The following GABRA5 variants were observed in gnomAD, a reference collection of about 807,000 sequenced individuals.
GABRA5 encodes gamma-aminobutyric acid type A receptor subunit alpha5.
Under a neutral mutation model 47.3 loss-of-function variants are expected in GABRA5, and 18 were observed. The ratio of observed to expected loss-of-function variants is 0.38; its 90% CI spans 0.26 to 0.56. The LOEUF (loss-of-function observed/expected upper bound fraction) is 0.56, where lower values mean the gene tolerates loss of function less well. GABRA5 is among the 20% of genes least tolerant of loss of function. GABRA5 has a pLI of 0.71. For synonymous variants in GABRA5, 237 were observed against 229.3 expected (o/e 1.03, Z -0.30); for missense variants, 365 against 599.3 (o/e 0.61, Z 4.08).
chr15:26,876,713 G>A (rs907621102), intron 3 of GABRA5, among the ~76,000 whole-genome samples: 7 of 152,286 alleles, frequency 4.6e-5, no homozygotes, highest in Non-Finnish European at 8.8e-5. Context: ...CATGGAAGAC[G>A]GGCAAAGAAT....
At chr15:26,893,194 TA>T (rs1893060558) in intron 6 of GABRA5, among the ~76,000 whole-genome samples, 1 of 98,898 alleles carries the variant, frequency 1.0e-5, no homozygotes, top group African/African-American at 3.6e-5. Flanking sequence ...TGTGTGTGTG[TA>T]TAGTGTGTTG....
At chr15:26,916,555 G>A (rs1346541392) in intron 7 of GABRA5, among the ~76,000 whole-genome samples, 1 of 151,898 alleles carries the variant, frequency 6.6e-6, no homozygotes, top group African/African-American at 2.4e-5. Flanking sequence ...GGATATTTGG[G>A]TTTTTTTGTT....
chr15:26,936,476 T>C (rs1446910644), intron 7 of GABRA5, among the ~76,000 whole-genome samples: 1 of 152,228 alleles, frequency 6.6e-6, no homozygotes, highest in Non-Finnish European at 1.5e-5. Flanking sequence ...AGGGAAGTTC[T>C]CTGTTTTTAA....
chr15:26,936,058 G>A (rs989779602), intron 7 of GABRA5, among the ~76,000 whole-genome samples: 8 of 152,164 alleles, frequency 5.3e-5, no homozygotes, highest in African/African-American at 1.7e-4. Flanking sequence ...GTGATAGTGA[G>A]TGAGTCTCAC....
intron 6 of GABRA5, among the ~76,000 whole-genome samples, chr15:26,903,468 A>G (rs373714532): frequency 3.9e-4 from 60 of 152,188 alleles, no homozygotes; most frequent in African/African-American, 1.2e-3. Context: ...CTGAGTATAT[A>G]CTCAGTAACA....
intron 9 of GABRA5, 50 bp downstream of exon 9, chr15:26,940,127 T>A: frequency 4.6e-6 from 7 of 1,534,878 alleles, no homozygotes; most frequent in Non-Finnish European, 3.6e-6. Context: ...TGACTGACCC[T>A]AACCACCCGG....
rs770617455 is a variant in GABRA5, at chr15:26,883,145, G to C, written c.209-21G>C. On this transcript the variant is annotated intron_variant, in intron 4 of 10. Transcript: ENST00000335625. This position sits in a 1 kb window ranked among gnomAD's most constrained non-coding sequence, Gnocchi z 4.8. ...CGCAGGGTGGGTCGGTGCAGCCCAG[G>C]GACCTGTGTCTGTCTTTCAGAGCGC... 11 of 1,609,744 alleles carry C rather than the reference G, an allele frequency of 6.8e-6. No homozygotes were observed. In the Middle Eastern group the frequency reaches 4.9e-4, roughly 72 times the overall value.
intron 6 of GABRA5, among the ~76,000 whole-genome samples, chr15:26,911,148 G>A (rs1893573890): frequency 1.5e-5 from 2 of 132,758 alleles, no homozygotes; most frequent in Non-Finnish European, 3.2e-5. Flanking sequence ...TATCATAGAT[G>A]AAGTATACTT....
chr15:26,927,071 C>T (rs1402335596), intron 7 of GABRA5, among the ~76,000 whole-genome samples: 1 of 151,824 alleles, frequency 6.6e-6, no homozygotes, highest in Non-Finnish European at 1.5e-5. Flanking sequence ...GAATTTTGAA[C>T]TCTTATGTCA....
chr15:26,923,061 T>C (rs1455961086), intron 7 of GABRA5, among the ~76,000 whole-genome samples: 1 of 152,232 alleles, frequency 6.6e-6, no homozygotes, highest in African/African-American at 2.4e-5. Flanking sequence ...GTCTTAAATA[T>C]TTCCTCTACA....
At chr15:26,939,127 C>G in intron 8 of GABRA5, 1 of 708,116 alleles carries the variant, frequency 1.4e-6, no homozygotes, top group Non-Finnish European at 2.6e-6. Flanking sequence ...TCCTCCACCC[C>G]TCAAAGAACA....
intron 7 of GABRA5, among the ~76,000 whole-genome samples, chr15:26,924,124 A>G (rs1002950457): frequency 1.4e-5 from 2 of 145,184 alleles, no homozygotes; most frequent in East Asian, 4.0e-4. Context: ...ATTTTCTATC[A>G]TAACCTGGAT....
rs186465264 is a variant in GABRA5 at position 26,911,922 on chromosome 15, C to T, written c.498-2881C>T. ...ATCTCCATATCCACCCTGACGATGG[C>T]ATAGACTGTGTGGGGTTATAGTGTT... On this transcript the variant is annotated intron_variant, in intron 6 of 10. Coordinates refer to ENST00000335625, the MANE Select transcript of GABRA5 (RefSeq NM_000810.4). Among the ~76,000 whole-genome samples, 39 of 152,288 alleles carry T rather than the reference C, an allele frequency of 2.6e-4. No individual in the cohort carries two copies. The East Asian group carries it at 4.3e-3, about 17-fold the overall frequency.
At chr15:26,936,880 C>G (rs530002368) in intron 7 of GABRA5, among the ~76,000 whole-genome samples, 3 of 152,140 alleles carry the variant, frequency 2.0e-5, no homozygotes, top group Non-Finnish European at 2.9e-5. Flanking sequence ...CTGGAGGGAC[C>G]CAGGCACTCT....
At chr15:26,944,087 G>A (rs1436536634) in intron 10 of GABRA5, among the ~76,000 whole-genome samples, 1 of 152,226 alleles carries the variant, frequency 6.6e-6, no homozygotes, top group East Asian at 1.9e-4. Context: ...ACAAATCTCT[G>A]TATGGAGAGA....
At chr15:26,898,059 C>T (rs1294824274) in intron 6 of GABRA5, among the ~76,000 whole-genome samples, 2 of 152,102 alleles carry the variant, frequency 1.3e-5, no homozygotes, top group African/African-American at 2.4e-5. Flanking sequence ...TAATGATAGA[C>T]TGACATAAAA....
chr15:26,907,801 C>T (rs1005742983), intron 6 of GABRA5, among the ~76,000 whole-genome samples: 1 of 152,154 alleles, frequency 6.6e-6, no homozygotes, highest in Non-Finnish European at 1.5e-5. Context: ...TACATTTTTC[C>T]TTGAAATATT....
At chr15:26,936,629 G>T (rs1414318677) in intron 7 of GABRA5, among the ~76,000 whole-genome samples, 1 of 152,166 alleles carries the variant, frequency 6.6e-6, no homozygotes, top group Non-Finnish European at 1.5e-5. Flanking sequence ...AGGGGTGCAG[G>T]TCCTGCTTGC....
chr15:26,883,614 G>A lies in GABRA5; in HGVS notation c.497+57G>A, dbSNP rs947692047. The stretch of plus-strand genomic sequence containing the variant: ...GGGACGGTGCGGGGCAGGCGCGGCT[G>A]CCCATCCTGCCGCAAGAGCTGCGCC... On this transcript the variant is annotated intron_variant, in intron 6 of 10. Transcript: ENST00000335625. This position sits in a 1 kb window ranked among gnomAD's most constrained non-coding sequence, Gnocchi z 4.8. 4.7e-5 allele frequency: 63 copies of A among 1,330,902 alleles called. No homozygotes were observed. In the Admixed American group the frequency reaches 6.4e-4, roughly 13 times the overall value. 82.4% of individuals were successfully genotyped at this position (1,330,902 alleles called of 1,614,324 possible).
Sources: allele counts gnomAD v4.1 joint callset (sites outside exome capture counted in the v4.1 genomes callset), GRCh38; gene constraint gnomAD v4.1.1; non-coding constraint Gnocchi (gnomAD v3.1); transcripts MANE v1.5; gene names NCBI Gene and HGNC (gene_info 2026-07-23, HGNC 2026-07-21).